The following RBM26 variants were observed in gnomAD, a reference collection of about 807,000 sequenced individuals.
RBM26 encodes RNA binding motif protein 26.
A neutral mutation model predicts 123.6 loss-of-function variants in RBM26; 30 were observed. The observed-to-expected ratio is 0.24, with a 90% CI of 0.18 to 0.33. RBM26 has a LOEUF of 0.33. RBM26 is among the 10% of genes least tolerant of loss of function. The pLI is 1.00. For missense variants in RBM26, 947 were observed against 1,203.6 expected, an observed-to-expected ratio of 0.79 and a Z score of 3.15; for synonymous variants, 400 against 404.4, an observed-to-expected ratio of 0.99 and a Z score of 0.13.
Position 79,365,583 on chromosome 13 carries a change from G to T in RBM26, c.1412C>A (p.Pro471His). Residue 471 changes from proline (P) to histidine (H), a missense_variant, in exon 9 of 22, where the codon CCC (proline) becomes CAC (histidine). Physicochemically the swap from Pro to His is moderately conservative, Grantham distance 77 (BLOSUM62 -2). Transcript: ENST00000438737. ...GLTSGDMDLP[P>H]REKPPNKSSM... Reference sequence around the variant, plus strand: ...GGAAAGATTAATTATAGTACCTCTGGGTGGCAAATCCATATCCCCTGATGT... The same window carrying T: ...GGAAAGATTAATTATAGTACCTCTGTGTGGCAAATCCATATCCCCTGATGT... 6.2e-7 allele frequency: 1 copy of T among 1,610,348 alleles called. No individual in the cohort carries two copies. The highest frequency in any genetic ancestry group is 8.5e-7 in the Non-Finnish European group (1 of 1,177,904).
At chr13:79,376,121 AT>A (rs1361536323) in intron 3 of RBM26, 2 of 152,200 alleles carry the variant, frequency 1.3e-5, no homozygotes, top group Non-Finnish European at 2.9e-5. Flanking sequence ...TAACCAAGAT[AT>A]GTGTGACCTA....
intron 14 of RBM26, 142 bp downstream of exon 14, chr13:79,353,011 C>A: frequency 2.3e-6 from 1 of 429,608 alleles, no homozygotes; most frequent in Non-Finnish European, 3.9e-6. Flanking sequence ...TCTTTTTCAG[C>A]AAATGGAAAC....
At chr13:79,327,409 A>G (rs188890328) in intron 20 of RBM26, among the ~76,000 whole-genome samples, 1 of 152,304 alleles carries the variant, frequency 6.6e-6, no homozygotes, top group African/African-American at 2.4e-5. Context: ...AAATACTAGA[A>G]GCATTTTCAT....
chr13:79,376,767 T>C (rs2076698681), intron 3 of RBM26: 2 of 152,280 alleles, frequency 1.3e-5, no homozygotes, highest in African/African-American at 4.8e-5. Flanking sequence ...TCTATGTCTG[T>C]AAGATATTGT....
intron 10 of RBM26, 38 bp downstream of exon 10, chr13:79,359,537 T>A (rs375069524): frequency 5.5e-6 from 5 of 912,588 alleles, no homozygotes; most frequent in Non-Finnish European, 8.7e-6. Flanking sequence ...TGAAAATCAA[T>A]GCACAATTAT....
chr13:79,379,530 A>G (rs142553159), intron 1 of RBM26, among the ~76,000 whole-genome samples: 1 of 144,220 alleles, frequency 6.9e-6, no homozygotes, highest in East Asian at 2.2e-4. Flanking sequence ...GTGACAAAGT[A>G]AGAACCCTAT....
intron 1 of RBM26, among the ~76,000 whole-genome samples, chr13:79,404,217 T>C (rs575039210): frequency 1.4e-4 from 21 of 152,212 alleles, no homozygotes; most frequent in Non-Finnish European, 2.2e-4. Flanking sequence ...ACCTGTTCTC[T>C]GCCTTCTCTA....
At chr13:79,318,684 A>G, downstream of RBM26, 1 of 534,698 alleles carries the variant, frequency 1.9e-6, no homozygotes, top group Non-Finnish European at 2.4e-6. Context: ...TAAACAGAAT[A>G]TGTATTTTCA....
Position 79,344,220 on chromosome 13 carries a change from T to C in RBM26, c.2259+28A>G, listed in dbSNP as rs76442380. On this transcript the variant is annotated intron_variant, in intron 16 of 21. Transcript: ENST00000438737. ...CACTCCAAATTATAACATTTGCAATTTGGCCAAATCTAACTTTAACATTTT... is the reference window on the plus strand; with the variant it reads ...CACTCCAAATTATAACATTTGCAATCTGGCCAAATCTAACTTTAACATTTT... The C allele has an allele frequency of 1.3e-3, 1,798 of 1,413,902 alleles. 18 individuals are homozygous for C. The African/African-American group carries it at 0.023, about 18-fold the overall frequency. The allele number at this position is 1,413,902 out of a possible 1,614,324, so 87.6% of individuals were successfully genotyped here.
chr13:79,321,111 GATTTAT>G (rs1038314697), intron 21 of RBM26, among the ~76,000 whole-genome samples: 3 of 151,302 alleles, frequency 2.0e-5, no homozygotes, highest in East Asian at 1.9e-4. Context: ...ATTCTACCAA[GATTTAT>G]ATTTATATTT....
chr13:79,371,994 G>T, intron 3 of RBM26, 64 bp from the exon 4 acceptor site: 2 of 1,167,878 alleles, frequency 1.7e-6, no homozygotes, highest in South Asian at 1.3e-5. Flanking sequence ...AATAGCCTTA[G>T]ATAGGGCTGG....
chr13:79,342,683 C>A lies in RBM26; in HGVS notation c.2408G>T (p.Ser803Ile), dbSNP rs750117170. 4 of 1,607,184 alleles carry A rather than the reference C, an allele frequency of 2.5e-6. No individual in the cohort carries two copies. Among genetic ancestry groups the A allele is most frequent in the Non-Finnish European group, 3.4e-6 (4 of 1,177,026 alleles). The change falls in exon 17 of 22, where the codon AGT becomes ATT. Residue 803 changes from serine to isoleucine, a missense_variant. Ser to Ile is a moderately radical substitution (Grantham distance 142, BLOSUM62 -2). This residue lies in a region of RBM26 where 493 missense variants were observed against 563.1 expected (regional missense o/e 0.88). Coordinates refer to ENST00000438737, the MANE Select transcript of RBM26 (RefSeq NM_001366735.2). ...AASPGRCLPKSIKTKTQMQKE... is the reference protein window; with the variant it reads ...AASPGRCLPKIIKTKTQMQKE... ...AAATACCTGAGTCTTGGTTTTTATA[C>A]TTTTTGGAAGACAGCGTCCAGGAGA...
At chr13:79,346,532 C>T (rs1326195170) in intron 14 of RBM26, among the ~76,000 whole-genome samples, 1 of 152,016 alleles carries the variant, frequency 6.6e-6, no homozygotes, top group African/African-American at 2.4e-5. Flanking sequence ...ACCACCACAC[C>T]CGGCTAATGT....
rs888831869 is a variant in RBM26 at position 79,376,119 on chromosome 13, A to G, written c.327+1260T>C. 3.3e-5 allele frequency: 5 copies of G among 152,310 alleles called. No homozygotes were observed. In the East Asian group the frequency reaches 9.6e-4, roughly 29 times the overall value. 9.4% of individuals were successfully genotyped at this position (152,310 alleles called of 1,614,324 possible). On this transcript the variant is annotated intron_variant, in intron 3 of 21. Transcript: ENST00000438737. ...TTGTAGAACCAAAATTTTAACCAAG[A>G]TATGTGTGACCTAAAGCTAGGGCTA...
intron 9 of RBM26, among the ~76,000 whole-genome samples, 165 bp from the exon 10 acceptor site, chr13:79,359,851 C>T (rs904222600): frequency 1.3e-4 from 19 of 150,646 alleles, no homozygotes; most frequent in African/African-American, 4.6e-4. Flanking sequence ...ATAGTAGCTC[C>T]CCCTTATCCA....
chr13:79,368,610 T>A (rs1304660662), intron 6 of RBM26, 120 bp downstream of exon 6: 1 of 895,438 alleles, frequency 1.1e-6, no homozygotes, highest in Non-Finnish European at 1.7e-6. Flanking sequence ...AAAAAGTGAC[T>A]AAGGCTAATT....
chr13:79,355,390 A>G lies in RBM26; in HGVS notation c.1690-6T>C. 6 of 1,609,582 alleles carry G rather than the reference A, an allele frequency of 3.7e-6. No individual in the cohort carries two copies. The South Asian group carries it at 6.6e-5, about 18-fold the overall frequency. On this transcript the variant is annotated splice_polypyrimidine_tract_variant and splice_region_variant and intron_variant, in intron 11 of 21. Transcript: ENST00000438737. The stretch of plus-strand genomic sequence containing the variant: ...GGATCACCATTATAAGCAACCTAAG[A>G]TTTAAAATATTAAGAACAGTGAATT...
At chr13:79,334,139 T>G (rs972338467) in intron 20 of RBM26, among the ~76,000 whole-genome samples, 2 of 152,200 alleles carry the variant, frequency 1.3e-5, no homozygotes, top group Non-Finnish European at 2.9e-5. Flanking sequence ...TGACTAAATA[T>G]GTATTTTAAT....
At chr13:79,345,592 G>C (rs765853555) in intron 14 of RBM26, among the ~76,000 whole-genome samples, 1 of 151,960 alleles carries the variant, frequency 6.6e-6, no homozygotes, top group Non-Finnish European at 1.5e-5. Flanking sequence ...ATGAGGCCAC[G>C]GGTAAGATTA....
Sources: allele counts gnomAD v4.1 joint callset (sites outside exome capture counted in the v4.1 genomes callset), GRCh38; gene constraint gnomAD v4.1.1; regional missense constraint gnomAD v4.1.1; transcripts MANE v1.5; gene names NCBI Gene and HGNC (gene_info 2026-07-23, HGNC 2026-07-21).